ARID4B: variants seen among roughly 807,000 people sequenced by gnomAD.
The protein encoded by ARID4B is AT-rich interaction domain 4B.
ARID4B carries 26 observed loss-of-function variants against 147.5 expected under a neutral mutation model. The ratio of observed to expected loss-of-function variants is 0.18; its 90% CI spans 0.13 to 0.24. The LOEUF (loss-of-function observed/expected upper bound fraction) is 0.24. Ranked by LOEUF, ARID4B falls within the 10% of genes least tolerant of loss-of-function variation. The pLI is 1.00. For missense variants in ARID4B, 1,179 were observed against 1,511.5 expected (o/e 0.78, Z 3.65); for synonymous variants, 512 against 507.9 (o/e 1.01, Z -0.11).
chr1:235,231,092 T>C, intron 10 of ARID4B, 21 bp downstream of exon 10: 1 of 1,511,462 alleles, frequency 6.6e-7, no homozygotes, highest in Non-Finnish European at 9.0e-7. Context: ...TACTTGTAAT[T>C]TATTCCAAGA....
At chr1:235,272,785 T>C (rs937597087) in intron 2 of ARID4B, among the ~76,000 whole-genome samples, 4 of 151,486 alleles carry the variant, frequency 2.6e-5, no homozygotes, top group African/African-American at 9.7e-5. Context: ...AAATCACATG[T>C]AATAAGCACT....
chr1:235,284,027 A>C (rs1572152011), intron 2 of ARID4B, among the ~76,000 whole-genome samples: 1 of 151,944 alleles, frequency 6.6e-6, no homozygotes, highest in Non-Finnish European at 1.5e-5. Flanking sequence ...CTGAACCACC[A>C]CGCCCAGCCT....
Position 235,219,888 on chromosome 1 carries a change from G to A in ARID4B, c.1488C>T (p.Asp496=). 1 of 1,600,696 alleles carries A rather than the reference G, an allele frequency of 6.2e-7. No homozygotes were observed. Residue 496 remains aspartate, a synonymous_variant, in exon 16 of 24, where the codon GAC becomes GAT. Transcript: ENST00000264183. ...EKEVNIKKPE[D]NENLDDKDDD... ...CATCTTTGTCATCCAGATTTTCATT[G>A]TCTTCTGGTTTTTTAATGTTAACTT...
Position 235,181,800 on chromosome 1 carries a change from C to T in ARID4B, c.3119G>A (p.Arg1040Gln), listed in dbSNP as rs114272232. 6,354 of 1,614,166 alleles carry T rather than the reference C, an allele frequency of 3.9e-3. 18 individuals carry two copies. Among genetic ancestry groups the T allele is most frequent in the Middle Eastern group, 5.4e-3 (33 of 6,062 alleles). Residue 1040 changes from arginine to glutamine, a missense_variant, in exon 20 of 24, where the codon CGG becomes CAG. Transcript: ENST00000264183. ...TGATACTGTTACAGAAGACTGCTGC[C>T]GGCTGCCTTCTGTTACAGTGACTGA... ...PSSVTVTEGS[R>Q]QQSSVTVSEP...
At chr1:235,286,289 C>T (rs1333457966) in intron 2 of ARID4B, among the ~76,000 whole-genome samples, 2 of 152,178 alleles carry the variant, frequency 1.3e-5, no homozygotes, top group Non-Finnish European at 2.9e-5. Flanking sequence ...CCACCTTGGC[C>T]TCCCAAAGTG....
At chr1:235,263,949 G>C (rs1670446440) in intron 2 of ARID4B, among the ~76,000 whole-genome samples, 1 of 151,660 alleles carries the variant, frequency 6.6e-6, no homozygotes, top group African/African-American at 2.4e-5. Flanking sequence ...AGCCAAGATC[G>C]TGCCACTGCA....
At chr1:235,185,802 A>G (rs1226521888) in intron 19 of ARID4B, among the ~76,000 whole-genome samples, 3 of 152,198 alleles carry the variant, frequency 2.0e-5, no homozygotes, top group East Asian at 1.9e-4. Flanking sequence ...GTTATAAGCC[A>G]TAACCTTCCT....
intron 2 of ARID4B, among the ~76,000 whole-genome samples, chr1:235,276,482 A>G (rs1201508197): frequency 6.6e-6 from 1 of 152,110 alleles, no homozygotes; most frequent in Non-Finnish European, 1.5e-5. Context: ...TAAACTTCTT[A>G]TCAAATAAAA....
intron 2 of ARID4B, among the ~76,000 whole-genome samples, chr1:235,309,736 G>A (rs547240636): frequency 6.6e-6 from 1 of 152,188 alleles, no homozygotes; most frequent in East Asian, 1.9e-4. Context: ...TAGAAAGGGG[G>A]GAAAGGTGGG....
Position 235,310,575 on chromosome 1 carries a change from T to C in ARID4B, c.6+16339A>G, listed in dbSNP as rs554990608. 2.6e-3 allele frequency among the ~76,000 whole-genome samples: 399 copies of C among 152,376 alleles called. 2 individuals are homozygous for C. Among genetic ancestry groups the C allele is most frequent in the Middle Eastern group, 0.024 (7 of 294 alleles). On this transcript the variant is annotated intron_variant, in intron 2 of 23. Transcript: ENST00000264183. Reference sequence around the variant, plus strand: ...TTAAAAACGTAATGTGCCATATAACTGTACGGTTAAAGAATTCCTTATAAA... The same window carrying C: ...TTAAAAACGTAATGTGCCATATAACCGTACGGTTAAAGAATTCCTTATAAA...
At chr1:235,272,501 C>T (rs1298724988) in intron 2 of ARID4B, among the ~76,000 whole-genome samples, 1 of 151,878 alleles carries the variant, frequency 6.6e-6, no homozygotes, top group Non-Finnish European at 1.5e-5. Context: ...TCAAAAATAC[C>T]TTATAATCAG....
At chr1:235,286,516 C>T (rs978761376) in intron 2 of ARID4B, among the ~76,000 whole-genome samples, 2 of 151,958 alleles carry the variant, frequency 1.3e-5, no homozygotes, top group African/African-American at 4.8e-5. Flanking sequence ...CGAAGAAGGA[C>T]GTAAATCTAT....
At chr1:235,173,788 A>ATG (rs1663615173) in intron 22 of ARID4B, among the ~76,000 whole-genome samples, 2 of 69,272 alleles carry the variant, frequency 2.9e-5, no homozygotes, top group South Asian at 1.3e-3. Flanking sequence ...ATATATATAT[A>ATG]TATATATATA....
intron 23 of ARID4B, among the ~76,000 whole-genome samples, chr1:235,169,226 T>G (rs1242698055): frequency 6.6e-6 from 1 of 151,844 alleles, no homozygotes; most frequent in Non-Finnish European, 1.5e-5. Flanking sequence ...TGTTTCCTTT[T>G]TTCGTTTTTT....
At chr1:235,249,021 G>A (rs1336603326) in intron 6 of ARID4B, among the ~76,000 whole-genome samples, 1 of 152,162 alleles carries the variant, frequency 6.6e-6, no homozygotes, top group Admixed American at 6.5e-5. Context: ...ATTGCACATA[G>A]TAAATACAAA....
chr1:235,247,309 T>C (rs890081971), intron 6 of ARID4B, among the ~76,000 whole-genome samples: 1 of 152,170 alleles, frequency 6.6e-6, no homozygotes, highest in Non-Finnish European at 1.5e-5. Context: ...AGAGTATCCA[T>C]GAACTTAGAA....
At chr1:235,309,603 C>T (rs1673896478) in intron 2 of ARID4B, among the ~76,000 whole-genome samples, 2 of 150,700 alleles carry the variant, frequency 1.3e-5, no homozygotes, top group East Asian at 2.0e-4. Context: ...GTGAGGGGCG[C>T]CTCTGCCCGG....
intron 2 of ARID4B, among the ~76,000 whole-genome samples, chr1:235,326,174 T>C (rs1172082554): frequency 2.0e-5 from 3 of 152,142 alleles, no homozygotes; most frequent in Non-Finnish European, 2.9e-5. Flanking sequence ...ACAGCATTCA[T>C]ATACATATTC....
chr1:235,284,346 C>A (rs776927241), intron 2 of ARID4B, among the ~76,000 whole-genome samples: 2 of 152,112 alleles, frequency 1.3e-5, no homozygotes, highest in South Asian at 2.1e-4. Flanking sequence ...AGCGACAGAG[C>A]GAGACTCCGT....
Sources: allele counts gnomAD v4.1 joint callset (sites outside exome capture counted in the v4.1 genomes callset), GRCh38; gene constraint gnomAD v4.1.1; transcripts MANE v1.5; gene names NCBI Gene and HGNC (gene_info 2026-07-23, HGNC 2026-07-21).